Variants in COL4A2 observed in about 807,000 individuals in gnomAD.
COL4A2 encodes collagen type IV alpha 2 chain.
In COL4A2, 99 loss-of-function variants were observed where a neutral mutation model predicts 200.2. The observed-to-expected ratio is 0.49, with a 90% confidence interval of 0.42 to 0.58. COL4A2 has a LOEUF of 0.58. Ranked by LOEUF, COL4A2 falls within the 20% of genes least tolerant of loss-of-function variation. The pLI is 0.00. For synonymous variants in COL4A2, 897 were observed against 900.6 expected, an observed-to-expected ratio of 1.00 and a Z score of 0.07; for missense variants, 1,950 against 2,314.1, an observed-to-expected ratio of 0.84 and a Z score of 3.23.
chr13:110,418,565 TG>T (rs1172351196), intron 4 of COL4A2, among the ~76,000 whole-genome samples: 2 of 152,246 alleles, frequency 1.3e-5, no homozygotes, highest in East Asian at 3.8e-4. Context: ...TCTTTACATG[TG>T]GATGTTACTT....
chr13:110,475,849 T>C (rs1882686094), intron 29 of COL4A2, among the ~76,000 whole-genome samples: 1 of 152,242 alleles, frequency 6.6e-6, no homozygotes. Flanking sequence ...GAGGCTGATT[T>C]TTAGCAGTTG....
intron 4 of COL4A2, among the ~76,000 whole-genome samples, chr13:110,418,567 G>C (rs1880133415): frequency 1.3e-5 from 2 of 152,198 alleles, no homozygotes; most frequent in South Asian, 4.1e-4. Context: ...TTTACATGTG[G>C]ATGTTACTTA....
intron 20 of COL4A2, among the ~76,000 whole-genome samples, chr13:110,455,845 C>T (rs547862584): frequency 6.5e-4 from 99 of 152,312 alleles, no homozygotes; most frequent in African/African-American, 2.2e-3. Flanking sequence ...TCTCACCTTC[C>T]TGTGTGTAAC....
chr13:110,502,864 A>G, intron 41 of COL4A2: 1 of 422,356 alleles, frequency 2.4e-6, no homozygotes, highest in Non-Finnish European at 4.2e-6. Flanking sequence ...TCAGTTTAGG[A>G]TGAGAAAGTT....
intron 3 of COL4A2, among the ~76,000 whole-genome samples, chr13:110,352,437 T>C (rs979054098): frequency 7.9e-5 from 12 of 152,244 alleles, no homozygotes; most frequent in Non-Finnish European, 5.9e-5. Flanking sequence ...TTCACCTTCT[T>C]GTCTACTTGG....
intron 4 of COL4A2, among the ~76,000 whole-genome samples, chr13:110,405,560 G>C (rs897317996): frequency 6.8e-6 from 1 of 147,146 alleles, no homozygotes; most frequent in Non-Finnish European, 1.5e-5. Flanking sequence ...ACGTTAGACA[G>C]GGGGAGAAGC....
chr13:110,337,324 G>A (rs1177465224), intron 3 of COL4A2, among the ~76,000 whole-genome samples: 5 of 152,230 alleles, frequency 3.3e-5, no homozygotes, highest in Admixed American at 1.3e-4. Context: ...AATCATAAAC[G>A]TAAGATTTAA....
intron 34 of COL4A2, among the ~76,000 whole-genome samples, chr13:110,486,947 C>T (rs929955866): frequency 2.6e-5 from 4 of 152,190 alleles, no homozygotes; most frequent in African/African-American, 4.8e-5. Context: ...TGGATGTGTA[C>T]GTGCAGGTCA....
Position 110,429,902 on chromosome 13 carries a change from A to G in COL4A2, c.495A>G (p.Lys165=). ...FTGPPGPQGP[K]GQKGEPYALP... is the part of the protein sequence containing the mutation. ...CTAATTAGGGGCCCCAAGGACCAAA[A>G]GGGCAGAAAGGTGAGCCTTATGCAC... The change falls in exon 8 of 48, where the codon AAA becomes AAG. Residue 165 remains lysine, a synonymous_variant. Coordinates refer to ENST00000360467, the MANE Select transcript of COL4A2 (RefSeq NM_001846.4). 1 of 1,612,876 alleles carries G rather than the reference A, an allele frequency of 6.2e-7. No individual in the cohort carries two copies. The highest frequency in any genetic ancestry group is 1.7e-5 in the Admixed American group (1 of 59,686).
intron 3 of COL4A2, among the ~76,000 whole-genome samples, chr13:110,344,601 A>G (rs1256363815): frequency 6.6e-6 from 1 of 152,174 alleles, no homozygotes; most frequent in Non-Finnish European, 1.5e-5. Flanking sequence ...GTAGAAGAAT[A>G]CACATCAGCA....
chr13:110,307,996 T>G lies in COL4A2; in HGVS notation c.44+49T>G. The G allele has an allele frequency of 6.2e-7, 1 of 1,611,700 alleles. No individual in the cohort carries two copies. The stretch of plus-strand genomic sequence containing the variant: ...CCGTGGGTCACGCGCGCATGGACCC[T>G]TCGGTGTAACTCTCGGGGACTGACA... On this transcript the variant is annotated intron_variant, in intron 2 of 47. Coordinates refer to ENST00000360467, the MANE Select transcript of COL4A2 (RefSeq NM_001846.4). The surrounding 1 kb of genome is among the most constrained non-coding windows in gnomAD (Gnocchi z 5.0).
chr13:110,486,769 C>T (rs1338129147), intron 34 of COL4A2, among the ~76,000 whole-genome samples: 1 of 151,984 alleles, frequency 6.6e-6, no homozygotes, highest in African/African-American at 2.4e-5. Flanking sequence ...GGGTTGTTCT[C>T]TGGCGGGCAG....
At chr13:110,438,589 C>T in intron 14 of COL4A2, 29 bp from the exon 15 acceptor site, 4 of 1,614,176 alleles carry the variant, frequency 2.5e-6, no homozygotes, top group Non-Finnish European at 3.4e-6. Flanking sequence ...CCCTGGGTTG[C>T]TCCTTACGCC....
chr13:110,351,364 C>T (rs933565712), intron 3 of COL4A2, among the ~76,000 whole-genome samples: 34 of 152,250 alleles, frequency 2.2e-4, no homozygotes, highest in African/African-American at 6.0e-4. Context: ...CATGAGCCCC[C>T]GCACCCAGCC....
intron 19 of COL4A2, 130 bp from the exon 20 acceptor site, chr13:110,450,175 C>G (rs1881484449): frequency 6.9e-6 from 5 of 726,490 alleles, no homozygotes; most frequent in Non-Finnish European, 1.2e-5. Context: ...CCAATGGCTT[C>G]TACCCATCGG....
rs1594088940 is a variant in COL4A2, at chr13:110,465,609, A to G, written c.1978+3A>G. On this transcript the variant is annotated splice_donor_region_variant and intron_variant, in intron 25 of 47. Transcript: ENST00000360467. ...CGCAGGGACCCCAGGACAAATAGGT[A>G]TGAAGGAATCCTCCCTTTTACCTTT... 6.2e-7 allele frequency: 1 copy of G among 1,604,166 alleles called. No individual in the cohort carries two copies. Among genetic ancestry groups the G allele is most frequent in the Non-Finnish European group, 8.5e-7 (1 of 1,176,096 alleles).
chr13:110,420,852 G>C (rs1472772659), intron 4 of COL4A2, among the ~76,000 whole-genome samples: 1 of 152,192 alleles, frequency 6.6e-6, no homozygotes, highest in South Asian at 2.1e-4. Context: ...TGCTGTAAAT[G>C]TCCATTTAAT....
Position 110,465,386 on chromosome 13 carries a change from A to G in COL4A2, c.1777-19A>G. 1 of 1,575,014 alleles carries G rather than the reference A, an allele frequency of 6.3e-7. No homozygotes were observed. The highest frequency in any genetic ancestry group is 8.6e-7 in the Non-Finnish European group (1 of 1,168,594). ...AACATTAGTATATATTTTAAGAAAT[A>G]AACTGAATTTTCACACAGGGTGATG... On this transcript the variant is annotated intron_variant, in intron 24 of 47. Transcript: ENST00000360467.
intron 16 of COL4A2, among the ~76,000 whole-genome samples, chr13:110,443,472 C>T (rs1258739005): frequency 2.0e-5 from 3 of 152,182 alleles, no homozygotes; most frequent in Non-Finnish European, 2.9e-5. Flanking sequence ...CAGTTATTTC[C>T]ACCCTTGAAA....
Sources: gnomAD v4.1 joint callset for allele counts (sites outside exome capture counted in the v4.1 genomes callset) on GRCh38, gnomAD v4.1.1 for gene constraint, Gnocchi (gnomAD v3.1) non-coding constraint, MANE v1.5 for transcripts, NCBI Gene and HGNC (gene_info 2026-07-23, HGNC 2026-07-21) for gene names.